POMGNT1: variants seen among roughly 807,000 people sequenced by gnomAD.
The protein encoded by POMGNT1 is protein O-linked mannose N-acetylglucosaminyltransferase 1 (beta 1,2-), also known as protein O-linked-mannose beta-1,2-N-acetylglucosaminyltransferase 1.
Under a neutral mutation model 95.6 loss-of-function variants are expected in POMGNT1, and 67 were observed. The observed-to-expected ratio is 0.70, with a 90% CI of 0.58 to 0.86. The LOEUF is 0.86. Ranked by LOEUF, POMGNT1 falls within the 40% of genes least tolerant of loss-of-function variation. The pLI, the probability that POMGNT1 is intolerant of heterozygous loss-of-function variation, is 0.00. For missense variants in POMGNT1, 719 were observed against 855.2 expected, an observed-to-expected ratio of 0.84 and a Z score of 1.99; for synonymous variants, 298 against 317.9, an observed-to-expected ratio of 0.94 and a Z score of 0.66.
chr1:46,196,067 T>A lies in POMGNT1; in HGVS notation c.365A>T (p.Asp122Val). The change falls in exon 5 of 22, where the codon GAT (aspartate) becomes GTT (valine). Residue 122 changes from aspartate (D) to valine (V), a missense_variant. Physicochemically the swap from Asp to Val is radical, Grantham distance 152 (BLOSUM62 -3). Coordinates refer to ENST00000371984, the MANE Select transcript of POMGNT1 (RefSeq NM_017739.4). The surrounding 1 kb of genome is among the most constrained non-coding windows in gnomAD (Gnocchi z 4.4). ...GCCCCGGCCCTGCTCCCGGGCCTCA[T>A]CCTCCAGCACCTACACAGTGGCAGA... is the stretch of plus-strand genomic sequence containing the variant. The part of the protein sequence containing the change: ...VAVDGTTVLE[D>V]EAREQGRGIH... 1 of 1,613,982 alleles carries A rather than the reference T, an allele frequency of 6.2e-7. No individual in the cohort carries two copies. The highest frequency in any genetic ancestry group is 8.5e-7 in the Non-Finnish European group (1 of 1,180,012).
intron 9 of POMGNT1, 131 bp from the exon 10 acceptor site, chr1:46,194,056 G>T (rs1412925979): frequency 6.5e-7 from 1 of 1,547,368 alleles, no homozygotes; most frequent in Non-Finnish European, 8.7e-7. Flanking sequence ...GATCTTCCCT[G>T]TTCTGGGCTC....
At position 46,193,569 on chromosome 1, in the gene POMGNT1, A is replaced by G; in HGVS notation, c.1021T>C (p.Tyr341His). The G allele has an allele frequency of 6.2e-7, 1 of 1,614,112 alleles. No homozygotes were observed. Among genetic ancestry groups the G allele is most frequent in the Middle Eastern group, 1.6e-4 (1 of 6,062 alleles). ...ACCCCCCAAGTCCTGCTCACCTCATAGTAGCCGTCAATGAAAACTGTTATC... is the reference window on the plus strand; with the variant it reads ...ACCCCCCAAGTCCTGCTCACCTCATGGTAGCCGTCAATGAAAACTGTTATC... ...QMITVFIDGY[Y>H]EEPMDVVALF... is the part of the protein sequence containing the mutation. Residue 341 changes from tyrosine to histidine, a missense_variant, in exon 11 of 22, where the codon TAT becomes CAT. Physicochemically the swap from Tyr to His is moderately conservative, Grantham distance 83. Around this residue, in one of 5 missense-constraint regions of POMGNT1, gnomAD observed 466 missense variants for 517.4 expected, o/e 0.90. Transcript: ENST00000371984.
rs769481215 is a variant in POMGNT1, at chr1:46,193,298, G to A, written c.1110+7C>T. On this transcript the variant is annotated splice_region_variant and intron_variant, in intron 12 of 21. Coordinates refer to ENST00000371984, the MANE Select transcript of POMGNT1 (RefSeq NM_017739.4). ...GTCTGCCCCATCCCCACTTGCCTAT[G>A]CAGTACCTGAGACACGCGGGCATTC... 3.1e-6 allele frequency: 5 copies of A among 1,613,768 alleles called. No individual in the cohort carries two copies. The South Asian group carries it at 3.3e-5, about 11-fold the overall frequency.
intron 1 of POMGNT1, among the ~76,000 whole-genome samples, chr1:46,211,774 TA>T (rs1658904474): frequency 6.6e-6 from 1 of 152,154 alleles, no homozygotes; most frequent in Non-Finnish European, 1.5e-5. Context: ...TATATATATA[TA>T]TTTTTTTGAG....
intron 1 of POMGNT1, among the ~76,000 whole-genome samples, chr1:46,214,548 G>T (rs771882513): frequency 6.6e-6 from 1 of 151,986 alleles, no homozygotes; most frequent in Non-Finnish European, 1.5e-5. Flanking sequence ...ACATCATGGC[G>T]GGGAAAAGAA....
At chr1:46,211,439 GCACACACA>G (rs57919535) in intron 1 of POMGNT1, among the ~76,000 whole-genome samples, 34 of 79,046 alleles carry the variant, frequency 4.3e-4, no homozygotes, top group African/African-American at 7.6e-4. Flanking sequence ...ATGAAAACCT[GCACACACA>G]CACACACACA....
Position 46,188,815 on chromosome 1 carries a change from C to T in POMGNT1, c.*455G>A. 1 of 1,612,866 alleles carries T rather than the reference C, an allele frequency of 6.2e-7. No individual in the cohort carries two copies. Among genetic ancestry groups the T allele is most frequent in the Non-Finnish European group, 8.5e-7 (1 of 1,179,886 alleles). On this transcript the variant is annotated 3_prime_UTR_variant, in exon 22 of 22. Transcript: ENST00000371984. ...AGTGAGTCTGTGTCAGCATGTGGGCCCCAGCTGGGCCTGTCCATGGGTTGG... is the reference window on the plus strand; with the variant it reads ...AGTGAGTCTGTGTCAGCATGTGGGCTCCAGCTGGGCCTGTCCATGGGTTGG...
At position 46,189,655 on chromosome 1, in the gene POMGNT1, T is replaced by C; in HGVS notation, c.1786-88A>G. 2.0e-6 allele frequency: 3 copies of C among 1,531,156 alleles called. No individual in the cohort carries two copies. The South Asian group carries it at 3.6e-5, about 18-fold the overall frequency. 94.8% of individuals were successfully genotyped at this position (1,531,156 alleles called of 1,614,324 possible). On this transcript the variant is annotated intron_variant, in intron 20 of 21. Transcript: ENST00000371984. The stretch of plus-strand genomic sequence containing the variant: ...GACCCTTTGGCCCAGCCCCCACCCC[T>C]CCTCAGAAACCACCTCAATTTGTAA...
Position 46,192,325 on chromosome 1 carries a change from A to G in POMGNT1, c.1396T>C (p.Trp466Arg). 1.2e-6 allele frequency: 2 copies of G among 1,614,116 alleles called. No homozygotes were observed. Among genetic ancestry groups the G allele is most frequent in the South Asian group, 2.2e-5 (2 of 91,080 alleles). Residue 466 changes from tryptophan to arginine, a missense_variant, in exon 16 of 22, where the codon TGG (tryptophan) becomes CGG (arginine). By Grantham distance (101) the Trp-to-Arg change is moderately radical (BLOSUM62 -3). Coordinates refer to ENST00000371984, the MANE Select transcript of POMGNT1 (RefSeq NM_017739.4). ...ACAGTTACCTTTTCCGGTGTAGGCC[A>G]CTTGGGCTCAAGCTCCTCCTTGTAC... ...SLYKEELEPKWPTPEKLWDWD... is the reference protein window; with the variant it reads ...SLYKEELEPKRPTPEKLWDWD...
upstream of POMGNT1, among the ~76,000 whole-genome samples, chr1:46,203,106 G>A (rs1242678433): frequency 6.6e-6 from 1 of 152,074 alleles, no homozygotes; most frequent in Admixed American, 6.6e-5. Context: ...AACATGTATT[G>A]GGCGCCTGCT....
intron 1 of POMGNT1, among the ~76,000 whole-genome samples, chr1:46,209,545 T>C (rs936106290): frequency 7.5e-6 from 1 of 132,794 alleles, no homozygotes; most frequent in Non-Finnish European, 1.7e-5. Context: ...TTCTTTTTTT[T>C]TTTCTTTTTT....
Position 46,211,073 on chromosome 1 carries a change from C to T in POMGNT1, c.-51+8632G>A, listed in dbSNP as rs111907589. On this transcript the variant is annotated intron_variant, in intron 1 of 22. Transcript: ENST00000371992. ...GGGATTACAGGCTTAAGCCACTGTG[C>T]CTGGTCCTTTGGGCCTTTTAAAGAG... Among the ~76,000 whole-genome samples the T allele has an allele frequency of 5.8e-3, 880 of 152,110 alleles. 8 individuals carry two copies. Among genetic ancestry groups the T allele is most frequent in the African/African-American group, 0.02 (812 of 41,474 alleles).
Position 46,196,580 on chromosome 1 carries a change from C to A in POMGNT1, c.354+151G>T. On this transcript the variant is annotated intron_variant, in intron 4 of 21. Coordinates refer to ENST00000371984, the MANE Select transcript of POMGNT1 (RefSeq NM_017739.4). The surrounding 1 kb of genome is among the most constrained non-coding windows in gnomAD (Gnocchi z 4.4). ...TCCTGACAAGTAGAAATCATTAGTC[C>A]CAGTCTATAGATAAGGAATCGAGGA... 1 of 1,468,492 alleles carries A rather than the reference C, an allele frequency of 6.8e-7. No individual in the cohort carries two copies. Among genetic ancestry groups the A allele is most frequent in the South Asian group, 1.2e-5 (1 of 82,558 alleles). 91.0% of individuals were successfully genotyped at this position (1,468,492 alleles called of 1,614,324 possible).
In POMGNT1 at chr1:46,194,615, G is replaced by C. The variant is rs921366442; in HGVS notation, c.689C>G (p.Ala230Gly). ...GACTGGGTCCCCCCAGGAAGAGAGGGCAGGTGATTTAGAATGTTTCTCCCC... is the reference window on the plus strand; with the variant it reads ...GACTGGGTCCCCCCAGGAAGAGAGGCCAGGTGATTTAGAATGTTTCTCCCC... ...VFGEKHSKSP[A>G]LSSWGDPVLL... is the part of the protein sequence containing the mutation. The change falls in exon 8 of 22, where the codon GCC becomes GGC. Residue 230 changes from alanine (A) to glycine (G), a missense_variant. Around this residue, in one of 5 missense-constraint regions of POMGNT1, gnomAD observed 466 missense variants for 517.4 expected, o/e 0.90. Coordinates refer to ENST00000371984, the MANE Select transcript of POMGNT1 (RefSeq NM_017739.4). 2 of 1,614,220 alleles carry C rather than the reference G, an allele frequency of 1.2e-6. No individual in the cohort carries two copies. The highest frequency in any genetic ancestry group is 2.2e-5 in the East Asian group (1 of 44,880).
At chr1:46,200,436 G>A (rs1477499983), upstream of POMGNT1, among the ~76,000 whole-genome samples, 1 of 152,154 alleles carries the variant, frequency 6.6e-6, no homozygotes, top group Non-Finnish European at 1.5e-5. Context: ...TTTCCTGTGG[G>A]TTCCCCTCCT....
chr1:46,203,590 TGGGGGACAA>T, intron 1 of POMGNT1: 1 of 1,589,174 alleles, frequency 6.3e-7, no homozygotes, highest in Non-Finnish European at 8.5e-7. Context: ...GGCCACGACT[TGGGGGACAA>T]GATCATGGCG....
upstream of POMGNT1, among the ~76,000 whole-genome samples, chr1:46,199,653 C>G (rs552958189): frequency 3.3e-5 from 5 of 152,236 alleles, no homozygotes; most frequent in Non-Finnish European, 5.9e-5. Flanking sequence ...TTTAAGAGAA[C>G]CTTTACTTTT....
In POMGNT1 at chr1:46,188,689, G is replaced by A. The variant is rs1463885556; in HGVS notation, c.*581C>T. ...ATCACAATCACAAGACATCCCCAGAGGGCTTCTCCTTTTTTAATCAATGAC... is the reference window on the plus strand; with the variant it reads ...ATCACAATCACAAGACATCCCCAGAAGGCTTCTCCTTTTTTAATCAATGAC... On this transcript the variant is annotated 3_prime_UTR_variant, in exon 22 of 22. Transcript: ENST00000371984. The A allele has an allele frequency of 4.4e-6, 7 of 1,594,218 alleles. No individual in the cohort carries two copies. In the South Asian group the frequency reaches 6.7e-5, roughly 15 times the overall value.
chr1:46,190,431 ACT>A, intron 19 of POMGNT1, 40 bp downstream of exon 19: 1 of 1,538,670 alleles, frequency 6.5e-7, no homozygotes, highest in Non-Finnish European at 9.0e-7. Flanking sequence ...CCAGTATTTG[ACT>A]CTTTGCTCCC....
Sources: gnomAD v4.1 joint callset for allele counts (sites outside exome capture counted in the v4.1 genomes callset) on GRCh38, gnomAD v4.1.1 for gene constraint, gnomAD v4.1.1 regional missense constraint, Gnocchi (gnomAD v3.1) non-coding constraint, MANE v1.5 for transcripts, NCBI Gene and HGNC (gene_info 2026-07-23, HGNC 2026-07-21) for gene names.